The following P4HA3 variants were observed in gnomAD, a reference collection of about 807,000 sequenced individuals.
The protein encoded by P4HA3 is prolyl 4-hydroxylase subunit alpha 3.
Under a neutral mutation model 66.7 loss-of-function variants are expected in P4HA3, and 60 were observed. The ratio of observed to expected loss-of-function variants is 0.90; its 90% CI spans 0.73 to 1.12. P4HA3 has a LOEUF of 1.12. Ranked by LOEUF, P4HA3 falls within the 50% of genes most tolerant of loss-of-function variation. The pLI, the probability that P4HA3 is intolerant of heterozygous loss-of-function variation, is 0.00. For missense variants in P4HA3, 683 were observed against 685.8 expected, an observed-to-expected ratio of 1.00 and a Z score of 0.05; for synonymous variants, 263 against 274.6, an observed-to-expected ratio of 0.96 and a Z score of 0.42.
At chr11:74,298,416 A>C (rs1861296737) in intron 3 of P4HA3, 55 bp from the exon 4 acceptor site, 1 of 1,562,544 alleles carries the variant, frequency 6.4e-7, no homozygotes, top group Non-Finnish European at 8.7e-7. Flanking sequence ...TAGAAAAAGA[A>C]AATGACAATT....
intron 7 of P4HA3, among the ~76,000 whole-genome samples, chr11:74,282,644 A>T (rs1303848301): frequency 6.6e-6 from 1 of 152,156 alleles, no homozygotes; most frequent in Non-Finnish European, 1.5e-5. Context: ...GAGTGGTCAG[A>T]CCTGACCTTT....
chr11:74,266,041 T>C (rs1471140097), downstream of P4HA3, among the ~76,000 whole-genome samples: 1 of 151,952 alleles, frequency 6.6e-6, no homozygotes, highest in Non-Finnish European at 1.5e-5. Context: ...GCCACTGCAT[T>C]GAGTGGAATG....
At chr11:74,288,555 C>G (rs556650530) in intron 5 of P4HA3, among the ~76,000 whole-genome samples, 8 of 152,270 alleles carry the variant, frequency 5.3e-5, no homozygotes, top group Non-Finnish European at 1.0e-4. Context: ...GATATCTTCT[C>G]AGCATTTTCC....
At chr11:74,282,068 A>G (rs1216891688) in intron 7 of P4HA3, among the ~76,000 whole-genome samples, 1 of 151,008 alleles carries the variant, frequency 6.6e-6, no homozygotes, top group East Asian at 1.9e-4. Context: ...AGCCATTTGT[A>G]GAGGAGAAAC....
Position 74,273,620 on chromosome 11 carries a change from A to AAG in P4HA3, c.1336-14_1336-13insCT. ...GGCTGCTTGGTGACTGAGAAAAAAA[A>AAG]AAACAGAACATATTATTTTATGCAG... On this transcript the variant is annotated splice_polypyrimidine_tract_variant and intron_variant, in intron 9 of 12. Transcript: ENST00000331597. 2 of 1,556,842 alleles carry AAG rather than the reference A, an allele frequency of 1.3e-6. No individual in the cohort carries two copies. Among genetic ancestry groups the AAG allele is most frequent in the South Asian group, 1.2e-5 (1 of 80,954 alleles).
At chr11:74,274,376 G>C (rs1286307644) in intron 9 of P4HA3, among the ~76,000 whole-genome samples, 1 of 150,014 alleles carries the variant, frequency 6.7e-6, no homozygotes, top group Non-Finnish European at 1.5e-5. Context: ...CGTGATCTCA[G>C]CTCACTGCAA....
chr11:74,279,543 T>G, intron 7 of P4HA3, 91 bp from the exon 8 acceptor site: 3 of 1,260,996 alleles, frequency 2.4e-6, no homozygotes, highest in Non-Finnish European at 3.5e-6. Context: ...CTCTTAAGCA[T>G]CAACATAACA....
chr11:74,295,040 T>C (rs973294832), intron 4 of P4HA3, among the ~76,000 whole-genome samples: 1 of 152,132 alleles, frequency 6.6e-6, no homozygotes, highest in African/African-American at 2.4e-5. Flanking sequence ...CCGGAGCTGT[T>C]CCTATTCGGC....
chr11:74,277,639 C>T (rs1860446984), intron 8 of P4HA3, among the ~76,000 whole-genome samples: 1 of 152,228 alleles, frequency 6.6e-6, no homozygotes, highest in African/African-American at 2.4e-5. Context: ...TATGAAGACA[C>T]TTTGTGAACT....
intron 8 of P4HA3, among the ~76,000 whole-genome samples, chr11:74,277,367 T>G (rs571447897): frequency 6.6e-6 from 1 of 152,260 alleles, no homozygotes; most frequent in Non-Finnish European, 1.5e-5. Context: ...CTCAACAAAC[T>G]CACAGCATTG....
intron 9 of P4HA3, among the ~76,000 whole-genome samples, chr11:74,274,688 T>C (rs1860334589): frequency 6.6e-6 from 1 of 152,212 alleles, no homozygotes; most frequent in Non-Finnish European, 1.5e-5. Context: ...ATTTTCTTTT[T>C]CTTTTGGGTA....
In P4HA3 at chr11:74,273,600, C is replaced by G; in HGVS notation, c.1343G>C (p.Ser448Thr). The G allele has an allele frequency of 1.9e-6, 3 of 1,555,984 alleles. No homozygotes were observed. Among genetic ancestry groups the G allele is most frequent in the Non-Finnish European group, 2.6e-6 (3 of 1,156,996 alleles). Residue 448 changes from serine to threonine, a missense_variant, in exon 10 of 13, where the codon AGC becomes ACC. Coordinates refer to ENST00000331597, the MANE Select transcript of P4HA3 (RefSeq NM_182904.5). ...EPHFDHATSP[S>T]SPLYRMKSGN... The stretch of plus-strand genomic sequence containing the variant: ...TGACTTCATTCTGTAGAGGGGGCTG[C>G]TTGGTGACTGAGAAAAAAAAAAACA...
At chr11:74,270,136 G>C (rs1178337995) in intron 10 of P4HA3, among the ~76,000 whole-genome samples, 1 of 152,134 alleles carries the variant, frequency 6.6e-6, no homozygotes, top group Non-Finnish European at 1.5e-5. Context: ...TAATATCTGA[G>C]ATAGCTTCTG....
intron 1 of P4HA3, among the ~76,000 whole-genome samples, chr11:74,309,339 A>G (rs1302561183): frequency 1.3e-5 from 2 of 152,186 alleles, no homozygotes; most frequent in African/African-American, 4.8e-5. Context: ...TGCTGTGACA[A>G]AGTTGTGATA....
intron 10 of P4HA3, 96 bp from the exon 11 acceptor site, chr11:74,269,816 C>A: frequency 8.2e-7 from 1 of 1,219,172 alleles, no homozygotes. Flanking sequence ...TTCTCATGGT[C>A]TTTTCTTCAA....
chr11:74,264,135 T>C (rs548837026), downstream of P4HA3, among the ~76,000 whole-genome samples: 29 of 152,260 alleles, frequency 1.9e-4, no homozygotes, highest in African/African-American at 6.3e-4. Context: ...CTTTCCACTC[T>C]AGGAGTGATG....
intron 7 of P4HA3, among the ~76,000 whole-genome samples, chr11:74,282,771 A>G (rs1860650418): frequency 6.6e-6 from 1 of 152,254 alleles, no homozygotes; most frequent in Non-Finnish European, 1.5e-5. Flanking sequence ...GGAAACTGTC[A>G]GTGATGTCAA....
rs1439256834 is a variant in P4HA3, at chr11:74,267,141, G to T, written c.*107C>A. On this transcript the variant is annotated 3_prime_UTR_variant, in exon 13 of 13. Coordinates refer to ENST00000331597, the MANE Select transcript of P4HA3 (RefSeq NM_182904.5). ...GCGAGGCACAGACAAAGCTGACAAG[G>T]CCTTCTTCCAGGAGGCTGCTCTGCT... The T allele has an allele frequency of 1.3e-6, 2 of 1,571,902 alleles. No individual in the cohort carries two copies. The highest frequency in any genetic ancestry group is 1.7e-6 in the Non-Finnish European group (2 of 1,161,684).
At chr11:74,289,689 T>C (rs1860941073) in intron 4 of P4HA3, among the ~76,000 whole-genome samples, 1 of 148,198 alleles carries the variant, frequency 6.7e-6, no homozygotes, top group South Asian at 2.1e-4. Flanking sequence ...AGTGAGAACA[T>C]GGGGTGTTTG....
Sources: allele counts gnomAD v4.1 joint callset (sites outside exome capture counted in the v4.1 genomes callset), GRCh38; gene constraint gnomAD v4.1.1; transcripts MANE v1.5; gene names NCBI Gene and HGNC (gene_info 2026-07-23, HGNC 2026-07-21).